Variants in RHOBTB3 observed in about 807,000 individuals in gnomAD.
RHOBTB3 encodes the protein rho-related BTB domain-containing protein 3.
A neutral mutation model predicts 67.2 loss-of-function variants in RHOBTB3; 47 were observed. The ratio of observed to expected loss-of-function variants is 0.70; its 90% confidence interval spans 0.55 to 0.89. RHOBTB3 has a LOEUF of 0.89. Ranked by LOEUF, RHOBTB3 falls within the 40% of genes least tolerant of loss-of-function variation. RHOBTB3 has a pLI of 0.00. For missense variants in RHOBTB3, 631 were observed against 750.0 expected (o/e 0.84, Z 1.85); for synonymous variants, 273 against 274.2 (o/e 1.00, Z 0.04).
chr5:95,743,787 G>A (rs1755669920), intron 3 of RHOBTB3, among the ~76,000 whole-genome samples: 1 of 139,664 alleles, frequency 7.2e-6, no homozygotes, highest in Non-Finnish European at 1.5e-5. Flanking sequence ...CTCAGCTCAT[G>A]GCAACCTCCA....
intron 4 of RHOBTB3, among the ~76,000 whole-genome samples, chr5:95,750,522 C>G (rs1353668057): frequency 6.6e-6 from 1 of 152,184 alleles, no homozygotes; most frequent in Non-Finnish European, 1.5e-5. Flanking sequence ...TGGCTAGTGG[C>G]TACTGTATTA....
At chr5:95,774,153 A>G (rs1429520275) in intron 8 of RHOBTB3, among the ~76,000 whole-genome samples, 1 of 152,014 alleles carries the variant, frequency 6.6e-6, no homozygotes, top group South Asian at 2.1e-4. Flanking sequence ...TATTATGAAC[A>G]TTTTTTTTAG....
intron 8 of RHOBTB3, among the ~76,000 whole-genome samples, chr5:95,771,125 G>A (rs78569408): frequency 1.3e-5 from 2 of 152,274 alleles, no homozygotes; most frequent in African/African-American, 2.4e-5. Context: ...TGTGTACAAA[G>A]TAGAGGAATA....
chr5:95,739,681 A>G (rs1755546404), intron 3 of RHOBTB3, among the ~76,000 whole-genome samples: 1 of 152,080 alleles, frequency 6.6e-6, no homozygotes, highest in Non-Finnish European at 1.5e-5. Context: ...CCTCCTGAGT[A>G]GCAAGGACTA....
Position 95,783,759 on chromosome 5 carries a change from T to C in RHOBTB3, c.1457-38T>C, listed in dbSNP as rs891235100. 9 of 1,567,204 alleles carry C rather than the reference T, an allele frequency of 5.7e-6. No homozygotes were observed. In the South Asian group the frequency reaches 1.0e-4, roughly 18 times the overall value. On this transcript the variant is annotated intron_variant, in intron 9 of 11. Coordinates refer to ENST00000379982, the MANE Select transcript of RHOBTB3 (RefSeq NM_014899.4). ...TGTTTAGATCATTAAAGAAATGGTT[T>C]CATCATCCACTTTCTCTCATGTCCC...
intron 10 of RHOBTB3, among the ~76,000 whole-genome samples, chr5:95,786,603 T>C (rs1746230231): frequency 6.6e-6 from 1 of 152,236 alleles, no homozygotes; most frequent in South Asian, 2.1e-4. Flanking sequence ...TTTATTCTTG[T>C]ATTAAAAATT....
upstream of RHOBTB3, among the ~76,000 whole-genome samples, chr5:95,728,034 G>C (rs1344842541): frequency 6.6e-6 from 1 of 152,238 alleles, no homozygotes; most frequent in Non-Finnish European, 1.5e-5. Context: ...AGAATGGAGA[G>C]ACACACTTCT....
chr5:95,763,554 G>A lies in RHOBTB3; in HGVS notation c.1095G>A (p.Leu365=). The A allele has an allele frequency of 8.1e-6, 13 of 1,612,888 alleles. No homozygotes were observed. Among genetic ancestry groups the A allele is most frequent in the Non-Finnish European group, 1.0e-5 (12 of 1,179,286 alleles). The change falls in exon 7 of 12, where the codon TTG becomes TTA. Residue 365 remains leucine (L), a synonymous_variant. Coordinates refer to ENST00000379982, the MANE Select transcript of RHOBTB3 (RefSeq NM_014899.4). The stretch of plus-strand genomic sequence containing the variant: ...TGGAAGAAGATATCAGGAAGAAGTT[G>A]AAAGATTCTGGGGATGTTTCAAATG... ...EELEEDIRKK[L]KDSGDVSNVI...
intron 10 of RHOBTB3, among the ~76,000 whole-genome samples, chr5:95,787,585 A>C (rs921336143): frequency 6.6e-6 from 1 of 152,242 alleles, no homozygotes; most frequent in Non-Finnish European, 1.5e-5. Context: ...ACTTAGCCAA[A>C]AGGTGGAAAC....
At chr5:95,778,367 A>T (rs1745952141) in intron 8 of RHOBTB3, among the ~76,000 whole-genome samples, 1 of 152,122 alleles carries the variant, frequency 6.6e-6, no homozygotes, top group African/African-American at 2.4e-5. Context: ...ACAATTTTTT[A>T]AAAACTTTGT....
At chr5:95,754,044 T>G (rs1037593262) in intron 5 of RHOBTB3, among the ~76,000 whole-genome samples, 1 of 152,002 alleles carries the variant, frequency 6.6e-6, no homozygotes, top group African/African-American at 2.4e-5. Context: ...TGGCAGAGGT[T>G]GCAGTGAGCC....
intron 6 of RHOBTB3, among the ~76,000 whole-genome samples, chr5:95,763,188 T>C (rs1229022704): frequency 6.6e-6 from 1 of 152,206 alleles, no homozygotes; most frequent in Admixed American, 6.5e-5. Context: ...GGCAAGTAAA[T>C]AATTTGGGTG....
chr5:95,722,044 C>T (rs1369664502), intron 1 of RHOBTB3, among the ~76,000 whole-genome samples: 9 of 151,960 alleles, frequency 5.9e-5, no homozygotes, highest in Non-Finnish European at 1.3e-4. Context: ...AAATGAGGAC[C>T]AAATGTATTG....
At chr5:95,744,314 G>A (rs1296905649) in intron 3 of RHOBTB3, among the ~76,000 whole-genome samples, 2 of 152,098 alleles carry the variant, frequency 1.3e-5, no homozygotes, top group East Asian at 1.9e-4. Context: ...TACACTTTCT[G>A]TGAAGCCTTC....
chr5:95,762,728 G>A (rs1745428523), intron 6 of RHOBTB3, among the ~76,000 whole-genome samples: 1 of 152,128 alleles, frequency 6.6e-6, no homozygotes, highest in Non-Finnish European at 1.5e-5. Flanking sequence ...GTAATAGGAT[G>A]GATTTGATGG....
chr5:95,770,352 AGCC>A (rs1486741527), intron 8 of RHOBTB3: 8 of 261,634 alleles, frequency 3.1e-5, no homozygotes. Context: ...AGTTCATTCC[AGCC>A]TTGGACTCAT....
chr5:95,771,688 T>A (rs1338418870), intron 8 of RHOBTB3, among the ~76,000 whole-genome samples: 2 of 152,172 alleles, frequency 1.3e-5, no homozygotes, highest in Non-Finnish European at 2.9e-5. Flanking sequence ...CATAAATTAC[T>A]CATTATAGGT....
At chr5:95,742,140 T>C (rs1755619346) in intron 3 of RHOBTB3, among the ~76,000 whole-genome samples, 1 of 152,206 alleles carries the variant, frequency 6.6e-6, no homozygotes, top group African/African-American at 2.4e-5. Context: ...GGCAATGATA[T>C]TTAGAAACCA....
intron 3 of RHOBTB3, among the ~76,000 whole-genome samples, chr5:95,739,899 G>A (rs1158628418): frequency 6.6e-6 from 1 of 152,134 alleles, no homozygotes; most frequent in Non-Finnish European, 1.5e-5. Flanking sequence ...TTTTTTGGGT[G>A]ACCATAGTCT....
Sources: allele counts gnomAD v4.1 joint callset (sites outside exome capture counted in the v4.1 genomes callset), GRCh38; gene constraint gnomAD v4.1.1; transcripts MANE v1.5; gene names NCBI Gene and HGNC (gene_info 2026-07-23, HGNC 2026-07-21).